ARHGAP17: variants seen among roughly 807,000 people sequenced by gnomAD.
The protein encoded by ARHGAP17 is rho GTPase-activating protein 17.
ARHGAP17 carries 57 observed loss-of-function variants against 99.5 expected under a neutral mutation model. That is an observed-to-expected ratio of 0.57 (90% CI 0.46 to 0.71). ARHGAP17 has a LOEUF of 0.71. ARHGAP17 is among the 30% of genes least tolerant of loss of function. ARHGAP17 has a pLI of 0.00. For missense variants in ARHGAP17, 1,000 were observed against 1,122.4 expected (o/e 0.89, Z 1.56); for synonymous variants, 417 against 429.6 (o/e 0.97, Z 0.36).
intron 10 of ARHGAP17, among the ~76,000 whole-genome samples, chr16:24,953,909 C>G (rs1487644032): frequency 6.6e-6 from 1 of 152,124 alleles, no homozygotes; most frequent in East Asian, 1.9e-4. Flanking sequence ...ACAAGGAGGG[C>G]TTCCGGGATG....
intron 6 of ARHGAP17, 101 bp from the exon 7 acceptor site, chr16:24,964,409 C>T (rs1315231396): frequency 2.5e-6 from 2 of 804,050 alleles, no homozygotes; most frequent in Non-Finnish European, 4.1e-6. Flanking sequence ...ACAATTGATT[C>T]TACCTGGAAG....
chr16:24,950,300 G>C (rs2051597375), intron 12 of ARHGAP17, among the ~76,000 whole-genome samples: 1 of 152,014 alleles, frequency 6.6e-6, no homozygotes, highest in Admixed American at 6.5e-5. Flanking sequence ...TTATTTCCTT[G>C]TAATAAACAA....
intron 2 of ARHGAP17, 94 bp from the exon 3 acceptor site, chr16:24,977,413 G>T: frequency 9.9e-7 from 1 of 1,014,378 alleles, no homozygotes; most frequent in Non-Finnish European, 1.4e-6. Context: ...TCTACATGCA[G>T]GGAAAAGGGA....
Position 24,989,547 on chromosome 16 carries a change from C to T in ARHGAP17, c.54-10542G>A, listed in dbSNP as rs117519387. Among the ~76,000 whole-genome samples, 1,298 of 150,486 alleles carry T rather than the reference C, an allele frequency of 8.6e-3. 8 individuals are homozygous for T. The highest frequency in any genetic ancestry group is 0.029 in the South Asian group (140 of 4,752). On this transcript the variant is annotated intron_variant, in intron 1 of 19. Coordinates refer to ENST00000289968, the MANE Select transcript of ARHGAP17 (RefSeq NM_001006634.3). ...CCACTTATATGAAATGGCCAGAAAACGGGAATCTATAGAGGCAGAAAGTAG... is the reference window on the plus strand; with the variant it reads ...CCACTTATATGAAATGGCCAGAAAATGGGAATCTATAGAGGCAGAAAGTAG...
intron 14 of ARHGAP17, among the ~76,000 whole-genome samples, chr16:24,945,108 T>C (rs562534253): frequency 1.3e-5 from 2 of 151,826 alleles, no homozygotes; most frequent in East Asian, 2.0e-4. Flanking sequence ...CTGAGGCAGT[T>C]AGACCAGGAG....
At chr16:24,920,283 A>T (rs377494109) in intron 19 of ARHGAP17, 23 bp from the exon 20 acceptor site, 72 of 1,613,182 alleles carry the variant, frequency 4.5e-5, no homozygotes, top group East Asian at 2.9e-4. Flanking sequence ...ACGAGGAGAC[A>T]TGGTATCAAT....
At chr16:24,964,021 T>G (rs183572924) in intron 7 of ARHGAP17, among the ~76,000 whole-genome samples, 176 bp downstream of exon 7, 150 of 152,306 alleles carry the variant, frequency 9.8e-4, no homozygotes, top group Middle Eastern at 6.8e-3. Flanking sequence ...ATTTAAAATG[T>G]TTTATTCTGA....
Position 24,919,979 on chromosome 16 carries a change from G to A in ARHGAP17, c.*151C>T. On this transcript the variant is annotated 3_prime_UTR_variant, in exon 20 of 20. Transcript: ENST00000289968. ...AGTGGTGGCCTCCAGGTTCTCCTTG[G>A]GCCGTGCAGAAGGCCAGGTCCCGCA... 2.7e-6 allele frequency: 3 copies of A among 1,131,348 alleles called. No homozygotes were observed. Among genetic ancestry groups the A allele is most frequent in the Non-Finnish European group, 3.7e-6 (3 of 807,238 alleles). The allele number at this position is 1,131,348 out of a possible 1,614,324, so 70.1% of individuals were successfully genotyped here.
intron 17 of ARHGAP17, among the ~76,000 whole-genome samples, chr16:24,937,413 C>G (rs2051171925): frequency 1.3e-5 from 2 of 151,884 alleles, no homozygotes; most frequent in African/African-American, 4.8e-5. Flanking sequence ...CAGAGCGAGA[C>G]TTCGTCTCAA....
intron 17 of ARHGAP17, among the ~76,000 whole-genome samples, chr16:24,937,015 T>C (rs2051158523): frequency 6.6e-6 from 1 of 150,486 alleles, no homozygotes; most frequent in African/African-American, 2.5e-5. Flanking sequence ...GTTGGGAGGC[T>C]GAGGTGGGAA....
At chr16:25,009,218 T>G (rs897009898) in intron 1 of ARHGAP17, among the ~76,000 whole-genome samples, 5 of 151,956 alleles carry the variant, frequency 3.3e-5, no homozygotes, top group African/African-American at 4.8e-5. Flanking sequence ...AATACAAAAA[T>G]TAGCCAGGCT....
At chr16:24,950,395 G>A (rs1325562321) in intron 12 of ARHGAP17, among the ~76,000 whole-genome samples, 1 of 152,104 alleles carries the variant, frequency 6.6e-6, no homozygotes, top group Non-Finnish European at 1.5e-5. Context: ...GGATTCTACT[G>A]AATTCTGTCC....
intron 17 of ARHGAP17, among the ~76,000 whole-genome samples, chr16:24,938,773 GAAAAAAAAA>G (rs111587139): frequency 2.6e-4 from 21 of 81,236 alleles, no homozygotes; most frequent in Admixed American, 1.0e-3. Context: ...CGCAGTCTCA[GAAAAAAAAA>G]AAAAAAAAAG....
chr16:24,968,097 G>A (rs565801657), intron 6 of ARHGAP17, among the ~76,000 whole-genome samples: 33 of 152,256 alleles, frequency 2.2e-4, no homozygotes, highest in Non-Finnish European at 3.7e-4. Flanking sequence ...CCCCTCTTCC[G>A]TTAAATATAC....
At chr16:24,940,728 C>T (rs750412177) in intron 16 of ARHGAP17, among the ~76,000 whole-genome samples, 10 of 152,000 alleles carry the variant, frequency 6.6e-5, no homozygotes, top group Non-Finnish European at 1.0e-4. Context: ...TGGAAAAAGC[C>T]GTTGCTTTGG....
At chr16:24,950,225 C>G (rs1408266905) in intron 12 of ARHGAP17, among the ~76,000 whole-genome samples, 1 of 152,144 alleles carries the variant, frequency 6.6e-6, no homozygotes, top group African/African-American at 2.4e-5. Flanking sequence ...TGGAAGCCCA[C>G]CCATATTGAC....
chr16:24,957,043 T>C (rs1447843439), intron 9 of ARHGAP17: 1 of 152,036 alleles, frequency 6.6e-6, no homozygotes, highest in African/African-American at 2.4e-5. Context: ...TTACATCTTA[T>C]CCCAAGTTCA....
At position 24,952,978 on chromosome 16, in the gene ARHGAP17, G is replaced by T; in HGVS notation, c.917C>A (p.Ser306Tyr). 2 of 1,614,200 alleles carry T rather than the reference G, an allele frequency of 1.2e-6. No homozygotes were observed. Among genetic ancestry groups the T allele is most frequent in the Non-Finnish European group, 1.7e-6 (2 of 1,180,026 alleles). The part of the protein sequence containing the change: ...LKKLKAALDC[S>Y]TSHLDEFYSD... Reference sequence around the variant, plus strand: ...ATAGAACTCATCCAGGTGAGAAGTAGAACAGTCCAAAGCAGCTTTCAGCTT... The same window carrying T: ...ATAGAACTCATCCAGGTGAGAAGTATAACAGTCCAAAGCAGCTTTCAGCTT... Residue 306 changes from serine to tyrosine, a missense_variant, in exon 11 of 20, where the codon TCT (serine) becomes TAT (tyrosine). This residue lies in a region of ARHGAP17 where 472 missense variants were observed against 611.1 expected (regional missense o/e 0.77). Transcript: ENST00000289968.
rs1013225935 is a variant in ARHGAP17, at chr16:24,920,001, C to T, written c.*129G>A. The T allele has an allele frequency of 5.3e-5, 73 of 1,384,472 alleles. No individual in the cohort carries two copies. Among genetic ancestry groups the T allele is most frequent in the Non-Finnish European group, 5.7e-5 (58 of 1,012,826 alleles). 85.8% of individuals were successfully genotyped at this position (1,384,472 alleles called of 1,614,324 possible). On this transcript the variant is annotated 3_prime_UTR_variant, in exon 20 of 20. Coordinates refer to ENST00000289968, the MANE Select transcript of ARHGAP17 (RefSeq NM_001006634.3). ...TTGGGCCGTGCAGAAGGCCAGGTCC[C>T]GCACAGTGAGGCCCTCCTTTGTCCT...
Sources: gnomAD v4.1 joint callset for allele counts (sites outside exome capture counted in the v4.1 genomes callset) on GRCh38, gnomAD v4.1.1 for gene constraint, gnomAD v4.1.1 regional missense constraint, MANE v1.5 for transcripts, NCBI Gene and HGNC (gene_info 2026-07-23, HGNC 2026-07-21) for gene names.